ACOX3: variants seen among roughly 807,000 people sequenced by gnomAD.
ACOX3 encodes acyl-CoA oxidase 3, pristanoyl, also known as peroxisomal acyl-coenzyme A oxidase 3.
Under a neutral mutation model 81.5 loss-of-function variants are expected in ACOX3, and 73 were observed. That is an observed-to-expected ratio of 0.90 (90% CI 0.74 to 1.09). ACOX3 has a LOEUF of 1.09. Ranked by LOEUF, ACOX3 falls within the 50% of genes least tolerant of loss-of-function variation. ACOX3 has a pLI of 0.00. For synonymous variants in ACOX3, 387 were observed against 375.1 expected, an observed-to-expected ratio of 1.03 and a Z score of -0.37; for missense variants, 947 against 928.0, an observed-to-expected ratio of 1.02 and a Z score of -0.27.
chr4:8,361,165 C>A, the ACOX3 span, among the ~76,000 whole-genome samples: 34 of 151,834 alleles, frequency 2.2e-4, no homozygotes, highest in South Asian at 4.2e-3. Context: ...GGCTCACGCC[C>A]GTAATCCCAG....
In ACOX3 at chr4:8,432,728, G is replaced by T. The variant is rs901097288; in HGVS notation, c.-15+7920C>A. 6.6e-6 allele frequency among the ~76,000 whole-genome samples: 1 copy of T among 152,118 alleles called. No individual in the cohort carries two copies. The highest frequency in any genetic ancestry group is 2.4e-5 in the African/African-American group (1 of 41,422). On this transcript the variant is annotated intron_variant, in intron 1 of 17. Coordinates refer to ENST00000356406, the MANE Select transcript of ACOX3 (RefSeq NM_003501.3). This position sits in a 1 kb window ranked among gnomAD's most constrained non-coding sequence, Gnocchi z 6.2. ...GCGCTCAGAGCAGCCAGGGACTTCC[G>T]GTTGGAGCCTCCACTGCTGCTTCTC... is the stretch of plus-strand genomic sequence containing the variant.
chr4:8,382,073 C>T lies in ACOX3; in HGVS notation c.1538-466G>A, dbSNP rs971944162. Among the ~76,000 whole-genome samples the T allele has an allele frequency of 2.6e-5, 4 of 152,232 alleles. No homozygotes were observed. The highest frequency in any genetic ancestry group is 9.6e-5 in the African/African-American group (4 of 41,464). ...GGGTGCTTCCGTTCGCCTCCCCCTG[C>T]CTGGCCCTTGGACCTCACCGCATGC... On this transcript the variant is annotated intron_variant, in intron 13 of 17. Coordinates refer to ENST00000356406, the MANE Select transcript of ACOX3 (RefSeq NM_003501.3). This position sits in a 1 kb window ranked among gnomAD's most constrained non-coding sequence, Gnocchi z 4.1.
intron 8 of ACOX3, among the ~76,000 whole-genome samples, chr4:8,398,017 C>A (rs1159047537): frequency 1.3e-5 from 2 of 152,184 alleles, no homozygotes; most frequent in Non-Finnish European, 2.9e-5. Flanking sequence ...GCAAATTAGC[C>A]AGGCCTGGCG....
the ACOX3 span, chr4:8,357,273 G>C: frequency 2.2e-6 from 1 of 456,588 alleles, no homozygotes; most frequent in African/African-American, 2.0e-5. Flanking sequence ...GGAGACGGGG[G>C]CCCTCGAGGG....
intron 14 of ACOX3, among the ~76,000 whole-genome samples, chr4:8,377,215 GA>G (rs1560169539): frequency 1.3e-5 from 2 of 152,176 alleles, no homozygotes; most frequent in African/African-American, 4.8e-5. Context: ...CAGGCACAGA[GA>G]GGCCGTCCTT....
At chr4:8,396,883 T>C (rs1578918716) in intron 9 of ACOX3, 54 bp downstream of exon 9, 2 of 1,573,090 alleles carry the variant, frequency 1.3e-6, no homozygotes, top group East Asian at 4.6e-5. Flanking sequence ...GTAAAAGAAG[T>C]GAATTTGCAT....
intron 1 of ACOX3, among the ~76,000 whole-genome samples, chr4:8,425,455 C>T (rs1198022606): frequency 1.3e-5 from 2 of 151,902 alleles, no homozygotes; most frequent in South Asian, 2.1e-4. Flanking sequence ...TAAAACCCTT[C>T]ATCAGACCTT....
rs139956494 is a variant in ACOX3 at position 8,406,440 on chromosome 4, C to T, written c.688-397G>A. 7.2e-5 allele frequency among the ~76,000 whole-genome samples: 11 copies of T among 152,174 alleles called. No individual in the cohort carries two copies. Among genetic ancestry groups the T allele is most frequent in the East Asian group, 5.8e-4 (3 of 5,176 alleles). On this transcript the variant is annotated intron_variant, in intron 6 of 17. Transcript: ENST00000356406. The surrounding 1 kb of genome is among the most constrained non-coding windows in gnomAD (Gnocchi z 5.6). ...CCCACAGGGTCAGTGGGTTTCTCCC[C>T]GTGTGTGGAGACAAGAGAGCATAGA...
At chr4:8,402,153 A>G (rs1720438241) in intron 7 of ACOX3, among the ~76,000 whole-genome samples, 1 of 152,236 alleles carries the variant, frequency 6.6e-6, no homozygotes, top group Non-Finnish European at 1.5e-5. Context: ...AGGGAAAGAC[A>G]CAGCGACAGT....
At chr4:8,387,787 C>T (rs73209480) in intron 13 of ACOX3, among the ~76,000 whole-genome samples, 1,535 of 152,264 alleles carry the variant, frequency 0.01, 11 homozygotes, top group South Asian at 0.034. Flanking sequence ...TTTGAATCCT[C>T]GCTCCGCCCC....
At chr4:8,396,245 A>C (rs2108886207) in intron 9 of ACOX3, among the ~76,000 whole-genome samples, 1 of 152,350 alleles carries the variant, frequency 6.6e-6, no homozygotes, top group Non-Finnish European at 1.5e-5. Flanking sequence ...ATCACCTGCC[A>C]GGAATCATTT....
At position 8,400,075 on chromosome 4, in the gene ACOX3, C is replaced by T. The variant is rs951360192; in HGVS notation, c.777-423G>A. Among the ~76,000 whole-genome samples the T allele has an allele frequency of 1.3e-5, 2 of 151,918 alleles. No individual in the cohort carries two copies. The highest frequency in any genetic ancestry group is 1.9e-4 in the East Asian group (1 of 5,168). On this transcript the variant is annotated intron_variant, in intron 7 of 17. Coordinates refer to ENST00000356406, the MANE Select transcript of ACOX3 (RefSeq NM_003501.3). The surrounding 1 kb of genome is among the most constrained non-coding windows in gnomAD (Gnocchi z 4.4). ...CAGCCTGACCAATATGGTGAAACCC[C>T]GTCTCTACTAAAAATACAAAAAAAA...
intron 7 of ACOX3, among the ~76,000 whole-genome samples, chr4:8,401,844 T>C (rs1400268886): frequency 6.6e-6 from 1 of 152,214 alleles, no homozygotes; most frequent in Non-Finnish European, 1.5e-5. Flanking sequence ...CAGTCACTGT[T>C]GACACCAGGC....
intron 1 of ACOX3, among the ~76,000 whole-genome samples, chr4:8,425,031 T>C (rs62286055): frequency 0.027 from 4,129 of 152,286 alleles, 69 homozygotes; most frequent in South Asian, 0.041. Context: ...CTAAGAATGC[T>C]TACCTAGTCC....
In ACOX3 at chr4:8,416,644, G is replaced by C; in HGVS notation, c.-14-109C>G. ...TTACAAATCAGAGAAAAGTAAACTT[G>C]AAATCCAAAAGGATGGCAAAAGAGA... On this transcript the variant is annotated intron_variant, in intron 1 of 17. Transcript: ENST00000356406. This position sits in a 1 kb window ranked among gnomAD's most constrained non-coding sequence, Gnocchi z 4.2. The C allele has an allele frequency of 8.0e-7, 1 of 1,254,346 alleles. No individual in the cohort carries two copies. The highest frequency in any genetic ancestry group is 1.1e-6 in the Non-Finnish European group (1 of 939,248). The allele number at this position is 1,254,346 out of a possible 1,614,324, so 77.7% of individuals were successfully genotyped here.
chr4:8,430,671 C>T lies in ACOX3; in HGVS notation c.-15+9977G>A, dbSNP rs1003175012. Among the ~76,000 whole-genome samples the T allele has an allele frequency of 3.3e-5, 5 of 152,152 alleles. No homozygotes were observed. The highest frequency in any genetic ancestry group is 1.2e-4 in the African/African-American group (5 of 41,418). On this transcript the variant is annotated intron_variant, in intron 1 of 17. Coordinates refer to ENST00000356406, the MANE Select transcript of ACOX3 (RefSeq NM_003501.3). This position sits in a 1 kb window ranked among gnomAD's most constrained non-coding sequence, Gnocchi z 5.2. ...AGGAGTTTGAGACCAGCCTGGCCAACATGGTGAAACCCCATCTCTACTAAA... is the reference window on the plus strand; with the variant it reads ...AGGAGTTTGAGACCAGCCTGGCCAATATGGTGAAACCCCATCTCTACTAAA...
intron 14 of ACOX3, among the ~76,000 whole-genome samples, chr4:8,377,143 G>C (rs1319519851): frequency 6.6e-6 from 1 of 152,122 alleles, no homozygotes. Context: ...ACACCACGAG[G>C]GCCTCTCCTC....
chr4:8,359,397 T>C, the ACOX3 span, among the ~76,000 whole-genome samples: 9 of 152,162 alleles, frequency 5.9e-5, no homozygotes, highest in South Asian at 1.7e-3. The surrounding 1 kb of genome is among the most constrained non-coding windows in gnomAD (Gnocchi z 6.0). Flanking sequence ...TGCTCAACCT[T>C]GGGTTAGAGG....
rs901097288 is a variant in ACOX3 at position 8,432,728 on chromosome 4, G to C, written c.-15+7920C>G. Among the ~76,000 whole-genome samples the C allele has an allele frequency of 6.6e-6, 1 of 152,234 alleles. No individual in the cohort carries two copies. The highest frequency in any genetic ancestry group is 1.9e-4 in the East Asian group (1 of 5,174). ...GCGCTCAGAGCAGCCAGGGACTTCCGGTTGGAGCCTCCACTGCTGCTTCTC... is the reference window on the plus strand; with the variant it reads ...GCGCTCAGAGCAGCCAGGGACTTCCCGTTGGAGCCTCCACTGCTGCTTCTC... On this transcript the variant is annotated intron_variant, in intron 1 of 17. Transcript: ENST00000356406. The surrounding 1 kb of genome is among the most constrained non-coding windows in gnomAD (Gnocchi z 6.2).
Sources: allele counts gnomAD v4.1 joint callset (sites outside exome capture counted in the v4.1 genomes callset), GRCh38; gene constraint gnomAD v4.1.1; non-coding constraint Gnocchi (gnomAD v3.1); transcripts MANE v1.5; gene names NCBI Gene and HGNC (gene_info 2026-07-23, HGNC 2026-07-21).